Variants in ZNF385B observed in about 807,000 individuals in gnomAD.
ZNF385B encodes zinc finger protein 533.
A neutral mutation model predicts 39.2 loss-of-function variants in ZNF385B; 23 were observed. The observed-to-expected ratio is 0.59, with a 90% CI of 0.42 to 0.83. The LOEUF (loss-of-function observed/expected upper bound fraction) is 0.83, where lower values mean the gene tolerates loss of function less well. ZNF385B is among the 40% of genes least tolerant of loss of function. The pLI is 0.00. For synonymous variants in ZNF385B, 205 were observed against 222.6 expected (o/e 0.92, Z 0.70); for missense variants, 552 against 598.9 (o/e 0.92, Z 0.82).
At chr2:179,670,337 G>T (rs1254705891) in intron 3 of ZNF385B, among the ~76,000 whole-genome samples, 1 of 149,800 alleles carries the variant, frequency 6.7e-6, no homozygotes, top group African/African-American at 2.5e-5. Flanking sequence ...TTTCACCATT[G>T]CCAATTGACA....
intron 5 of ZNF385B, 71 bp from the exon 6 acceptor site, chr2:179,483,505 GA>G: frequency 6.3e-7 from 1 of 1,589,348 alleles, no homozygotes; most frequent in Non-Finnish European, 8.6e-7. Flanking sequence ...TCATGCAGGA[GA>G]AAAATACATT....
chr2:179,836,916 C>T (rs1708286111), intron 1 of ZNF385B, among the ~76,000 whole-genome samples: 1 of 152,158 alleles, frequency 6.6e-6, no homozygotes, highest in African/African-American at 2.4e-5. Context: ...AATCCAATTG[C>T]TGCTTCACTT....
At chr2:179,707,259 A>T (rs1053316936) in intron 3 of ZNF385B, among the ~76,000 whole-genome samples, 1 of 152,200 alleles carries the variant, frequency 6.6e-6, no homozygotes, top group East Asian at 1.9e-4. Context: ...TGGCTTCTCC[A>T]TCTATGGGAC....
intron 3 of ZNF385B, among the ~76,000 whole-genome samples, chr2:179,577,690 G>T (rs1276737705): frequency 6.6e-6 from 1 of 151,592 alleles, no homozygotes; most frequent in African/African-American, 2.4e-5. Flanking sequence ...ACAAAAGTTT[G>T]GATAATTATG....
Position 179,625,161 on chromosome 2 carries a change from C to T in ZNF385B, c.299-80192G>A, listed in dbSNP as rs547228984. Among the ~76,000 whole-genome samples the T allele has an allele frequency of 3.7e-4, 56 of 152,240 alleles. 1 individual carries two copies. The highest frequency in any genetic ancestry group is 1.3e-3 in the African/African-American group (55 of 41,564). On this transcript the variant is annotated intron_variant, in intron 3 of 9. Transcript: ENST00000410066. The stretch of plus-strand genomic sequence containing the variant: ...ACTCACTGTCTCCTCCATAAAACTT[C>T]ATGTGAGAAATGATTTTTGGCCATG...
intron 3 of ZNF385B, among the ~76,000 whole-genome samples, chr2:179,593,896 A>G (rs1294327252): frequency 2.0e-5 from 3 of 152,186 alleles, no homozygotes; most frequent in African/African-American, 7.2e-5. Context: ...ATCCCCCTTC[A>G]TAATCTTTCT....
intron 5 of ZNF385B, among the ~76,000 whole-genome samples, chr2:179,486,667 C>T (rs865831921): frequency 2.0e-5 from 3 of 152,198 alleles, no homozygotes; most frequent in Non-Finnish European, 2.9e-5. Flanking sequence ...GTAAGCCCGG[C>T]ACTTTGGGAG....
chr2:179,543,037 C>T (rs936434542), intron 4 of ZNF385B, among the ~76,000 whole-genome samples: 6 of 152,032 alleles, frequency 3.9e-5, no homozygotes, highest in Admixed American at 1.3e-4. Flanking sequence ...TTTGGGAGGC[C>T]GAGGAGGGTG....
intron 4 of ZNF385B, among the ~76,000 whole-genome samples, chr2:179,520,997 T>C (rs968986519): frequency 3.3e-5 from 5 of 152,212 alleles, no homozygotes; most frequent in Admixed American, 6.5e-5. Context: ...GCTGTTTCCA[T>C]GCCCAAACAT....
chr2:179,573,465 A>G (rs1685461405), intron 3 of ZNF385B, among the ~76,000 whole-genome samples: 1 of 152,154 alleles, frequency 6.6e-6, no homozygotes, highest in Non-Finnish European at 1.5e-5. Context: ...AAACTAAAGG[A>G]TAGGTTCAGT....
At chr2:179,756,975 T>C (rs2106480058) in intron 3 of ZNF385B, among the ~76,000 whole-genome samples, 1 of 152,370 alleles carries the variant, frequency 6.6e-6, no homozygotes, top group East Asian at 1.9e-4. Flanking sequence ...TCAACGTCAT[T>C]CTCTGTCCAG....
intron 4 of ZNF385B, among the ~76,000 whole-genome samples, chr2:179,521,420 G>A (rs1433127129): frequency 2.8e-5 from 4 of 143,598 alleles, no homozygotes; most frequent in African/African-American, 7.8e-5. Flanking sequence ...GGCTGGTCTC[G>A]AACTCCTGAC....
intron 3 of ZNF385B, among the ~76,000 whole-genome samples, chr2:179,635,047 C>T (rs1407257548): frequency 6.7e-6 from 1 of 149,954 alleles, no homozygotes; most frequent in Non-Finnish European, 1.5e-5. Flanking sequence ...GAGGCTGAGG[C>T]AGGAGAATGG....
intron 1 of ZNF385B, among the ~76,000 whole-genome samples, chr2:179,781,167 T>C (rs1356565025): frequency 1.3e-5 from 2 of 152,104 alleles, no homozygotes; most frequent in African/African-American, 4.8e-5. Flanking sequence ...ATATAAAAGG[T>C]AAAGGAACCA....
intron 3 of ZNF385B, chr2:179,660,188 T>G (rs977731215): frequency 2.6e-5 from 4 of 152,522 alleles, no homozygotes; most frequent in Admixed American, 2.6e-4. Flanking sequence ...TATTGCAGAT[T>G]GAGTGTGAGC....
chr2:179,719,067 T>C (rs1700515837), intron 3 of ZNF385B, among the ~76,000 whole-genome samples: 1 of 152,014 alleles, frequency 6.6e-6, no homozygotes, highest in Non-Finnish European at 1.5e-5. Context: ...TCTGCATGTC[T>C]CGCCCTCCTA....
chr2:179,451,236 A>G (rs1025845335), intron 6 of ZNF385B, among the ~76,000 whole-genome samples: 34 of 148,094 alleles, frequency 2.3e-4, no homozygotes, highest in Non-Finnish European at 4.8e-4. Context: ...TGTACCCTAA[A>G]ACTTAAAGTA....
chr2:179,783,485 A>G (rs1704797270), intron 1 of ZNF385B, among the ~76,000 whole-genome samples: 1 of 152,220 alleles, frequency 6.6e-6, no homozygotes, highest in African/African-American at 2.4e-5. Flanking sequence ...GCCAAGTGGG[A>G]TCTAATTAAA....
At chr2:179,564,434 T>C (rs1684316647) in intron 3 of ZNF385B, among the ~76,000 whole-genome samples, 1 of 152,110 alleles carries the variant, frequency 6.6e-6, no homozygotes. Flanking sequence ...CTTGAGTTAG[T>C]TAATACAGCC....
Sources: allele counts gnomAD v4.1 joint callset (sites outside exome capture counted in the v4.1 genomes callset), GRCh38; gene constraint gnomAD v4.1.1; transcripts MANE v1.5; gene names NCBI Gene and HGNC (gene_info 2026-07-23, HGNC 2026-07-21).